Variants in AGMO observed in about 807,000 individuals in gnomAD.
The protein encoded by AGMO is glyceryl-ether monooxygenase.
AGMO carries 75 observed loss-of-function variants against 60.2 expected under a neutral mutation model. That is an observed-to-expected ratio of 1.25 (90% confidence interval 1.03 to 1.51). The LOEUF is 1.51. Among genes scored for constraint, AGMO ranks in the 40% most tolerant of loss-of-function variants. The pLI, the probability that AGMO is intolerant of heterozygous loss-of-function variation, is 0.00. For synonymous variants in AGMO, 261 were observed against 177.1 expected, an observed-to-expected ratio of 1.47 and a Z score of -3.76; for missense variants, 763 against 525.5, an observed-to-expected ratio of 1.45 and a Z score of -4.42.
At chr7:15,140,558 C>T in the AGMO span, among the ~76,000 whole-genome samples, 1 of 151,932 alleles carries the variant, frequency 6.6e-6, no homozygotes, top group Admixed American at 6.6e-5. Flanking sequence ...CTTAATCTCG[C>T]CTTTACTTTT....
At chr7:15,367,280 T>C (rs924986669) in intron 10 of AGMO, among the ~76,000 whole-genome samples, 1 of 151,894 alleles carries the variant, frequency 6.6e-6, no homozygotes, top group African/African-American at 2.4e-5. Context: ...TTTGAATCAT[T>C]GTAACAAAAC....
chr7:15,322,497 AATATATAAATATATATATAAAT>A (rs1781149134), intron 12 of AGMO, among the ~76,000 whole-genome samples: 3 of 57,714 alleles, frequency 5.2e-5, no homozygotes, highest in South Asian at 5.7e-4. Context: ...AATATATATA[AATATATAAATATATATATAAAT>A]ATATATAAAT....
At chr7:15,487,415 T>C (rs969725510) in intron 3 of AGMO, among the ~76,000 whole-genome samples, 2 of 151,994 alleles carry the variant, frequency 1.3e-5, no homozygotes, top group African/African-American at 4.8e-5. Flanking sequence ...GTGCATATAT[T>C]AAATAAAATT....
chr7:15,532,435 T>G (rs554022047), intron 3 of AGMO, among the ~76,000 whole-genome samples: 1 of 152,220 alleles, frequency 6.6e-6, no homozygotes, highest in Non-Finnish European at 1.5e-5. Context: ...TTTCCTCTTT[T>G]GTCAAAGATA....
chr7:15,322,475 AAT>A (rs1188696935), intron 12 of AGMO, among the ~76,000 whole-genome samples: 13 of 65,600 alleles, frequency 2.0e-4, no homozygotes, highest in Admixed American at 7.8e-4. Flanking sequence ...TAAATATATA[AAT>A]ATATATATAA....
rs140231743 is a variant in AGMO at position 15,441,321 on chromosome 7, A to G, written c.410-10213T>C. On this transcript the variant is annotated intron_variant, in intron 3 of 12. Transcript: ENST00000342526. ...ATCAGTACTACATTATAAAATAATTATGAATTTGACAATTTTTATGTTGCA... is the reference window on the plus strand; with the variant it reads ...ATCAGTACTACATTATAAAATAATTGTGAATTTGACAATTTTTATGTTGCA... Among the ~76,000 whole-genome samples, 359 of 152,376 alleles carry G rather than the reference A, an allele frequency of 2.4e-3. 2 individuals are homozygous for G. Among genetic ancestry groups the G allele is most frequent in the African/African-American group, 8.1e-3 (336 of 41,592 alleles).
chr7:15,148,936 T>C, the AGMO span, among the ~76,000 whole-genome samples: 1 of 152,260 alleles, frequency 6.6e-6, no homozygotes, highest in South Asian at 2.1e-4. Flanking sequence ...CTCACTAGCA[T>C]ATATAAACAT....
chr7:15,510,935 A>G (rs1783655525), intron 3 of AGMO, among the ~76,000 whole-genome samples: 1 of 149,288 alleles, frequency 6.7e-6, no homozygotes, highest in South Asian at 2.1e-4. Context: ...TAATGTTTAT[A>G]TTATATGATA....
At chr7:15,492,833 C>T (rs896526372) in intron 3 of AGMO, among the ~76,000 whole-genome samples, 20 of 152,022 alleles carry the variant, frequency 1.3e-4, no homozygotes, top group Admixed American at 1.0e-3. Flanking sequence ...TGTCCTAGTC[C>T]TTTTGCAACC....
chr7:15,237,271 G>T (rs983042922), intron 12 of AGMO, among the ~76,000 whole-genome samples: 3 of 152,104 alleles, frequency 2.0e-5, no homozygotes, highest in Non-Finnish European at 4.4e-5. Flanking sequence ...TTCTTCTTTG[G>T]AGGGTCAGGC....
intron 3 of AGMO, among the ~76,000 whole-genome samples, chr7:15,535,235 CT>C (rs1784459252): frequency 6.6e-6 from 1 of 151,792 alleles, no homozygotes; most frequent in Non-Finnish European, 1.5e-5. Flanking sequence ...CATTTTCTAT[CT>C]TTTGCTCACC....
At chr7:15,411,129 C>T (rs1780581008) in intron 5 of AGMO, among the ~76,000 whole-genome samples, 1 of 151,920 alleles carries the variant, frequency 6.6e-6, no homozygotes, top group Admixed American at 6.6e-5. Context: ...AATTTGCACC[C>T]TATTTGCTCT....
intron 2 of AGMO, among the ~76,000 whole-genome samples, chr7:15,553,188 G>A (rs1406496501): frequency 1.3e-5 from 2 of 151,478 alleles, no homozygotes; most frequent in East Asian, 3.9e-4. Flanking sequence ...GGCGGAGGGG[G>A]GAGGGATAGC....
intron 3 of AGMO, among the ~76,000 whole-genome samples, chr7:15,457,621 A>C (rs1782032021): frequency 6.6e-6 from 1 of 152,194 alleles, no homozygotes; most frequent in Non-Finnish European, 1.5e-5. Context: ...CTTGCCTCCA[A>C]TTTGATTAAT....
intron 5 of AGMO, among the ~76,000 whole-genome samples, chr7:15,414,569 G>A (rs1229283706): frequency 6.6e-6 from 1 of 151,594 alleles, no homozygotes; most frequent in African/African-American, 2.4e-5. Flanking sequence ...TTTTACTTTA[G>A]CCACTTCTGT....
chr7:15,331,225 G>A (rs1781490671), intron 12 of AGMO, among the ~76,000 whole-genome samples: 1 of 152,126 alleles, frequency 6.6e-6, no homozygotes, highest in Admixed American at 6.6e-5. Context: ...ACTGCAAGGA[G>A]GATATGAAGA....
chr7:15,125,374 T>C, the AGMO span, among the ~76,000 whole-genome samples: 1 of 152,128 alleles, frequency 6.6e-6, no homozygotes, highest in Non-Finnish European at 1.5e-5. Flanking sequence ...AGAAGTGCAG[T>C]GGAGGTAGGC....
At chr7:15,500,385 G>C (rs2128524914) in intron 3 of AGMO, among the ~76,000 whole-genome samples, 1 of 151,834 alleles carries the variant, frequency 6.6e-6, no homozygotes, top group East Asian at 1.9e-4. Flanking sequence ...ATGTCATTAG[G>C]AACCAAATTT....
intron 3 of AGMO, among the ~76,000 whole-genome samples, chr7:15,445,614 G>A (rs1781680203): frequency 6.6e-6 from 1 of 152,104 alleles, no homozygotes; most frequent in African/African-American, 2.4e-5. Flanking sequence ...ACACTTTTGA[G>A]ATTGGGAAAA....
Sources: allele counts gnomAD v4.1 joint callset (sites outside exome capture counted in the v4.1 genomes callset), GRCh38; gene constraint gnomAD v4.1.1; transcripts MANE v1.5; gene names NCBI Gene and HGNC (gene_info 2026-07-23, HGNC 2026-07-21).